The following KYAT3 variants were observed in gnomAD, a reference collection of about 807,000 sequenced individuals.
KYAT3 encodes kynurenine--oxoglutarate transaminase 3.
A neutral mutation model predicts 59.0 loss-of-function variants in KYAT3; 50 were observed. That is an observed-to-expected ratio of 0.85 (90% CI 0.68 to 1.07). The LOEUF (loss-of-function observed/expected upper bound fraction) is 1.07. Ranked by LOEUF, KYAT3 falls within the 50% of genes least tolerant of loss-of-function variation. KYAT3 has a pLI of 0.00. For missense variants in KYAT3, 497 were observed against 533.3 expected (o/e 0.93, Z 0.67); for synonymous variants, 148 against 177.0 (o/e 0.84, Z 1.30).
At chr1:88,928,680 C>A in the KYAT3 span, among the ~76,000 whole-genome samples, 4 of 152,142 alleles carry the variant, frequency 2.6e-5, no homozygotes, top group African/African-American at 9.7e-5. Flanking sequence ...AAGTGCCAGC[C>A]CATGCCATCA....
chr1:88,935,377 A>AG (rs58882484), downstream of KYAT3, among the ~76,000 whole-genome samples: 13 of 62,500 alleles, frequency 2.1e-4, no homozygotes, highest in Admixed American at 8.2e-4. Flanking sequence ...AGAGAGAGAG[A>AG]AAAAAAAAAG....
intron 9 of KYAT3, among the ~76,000 whole-genome samples, chr1:88,954,802 C>T (rs1675836835): frequency 1.3e-5 from 2 of 152,158 alleles, no homozygotes; most frequent in Non-Finnish European, 1.5e-5. Context: ...TAAAGATGGT[C>T]TTGTTCTGTC....
chr1:88,984,463 C>T (rs1039221433), intron 2 of KYAT3, among the ~76,000 whole-genome samples: 1 of 152,110 alleles, frequency 6.6e-6, no homozygotes, highest in Non-Finnish European at 1.5e-5. Context: ...CCGCCTGCCT[C>T]GGCCTCCCAG....
At position 88,961,607 on chromosome 1, in the gene KYAT3, T is replaced by A. The variant is rs112889563; in HGVS notation, c.541-101A>T. Reference sequence around the variant, plus strand: ...AGGAAAAAAACATCAAAGAAAGTCATGGCAAAGGAAACTGAATAAATTACC... The same window carrying A: ...AGGAAAAAAACATCAAAGAAAGTCAAGGCAAAGGAAACTGAATAAATTACC... On this transcript the variant is annotated intron_variant, in intron 6 of 13. Transcript: ENST00000260508. 32 of 1,042,728 alleles carry A rather than the reference T, an allele frequency of 3.1e-5. 1 individual carries two copies. Among genetic ancestry groups the A allele is most frequent in the Non-Finnish European group, 4.4e-5 (32 of 729,000 alleles). 64.6% of individuals were successfully genotyped at this position (1,042,728 alleles called of 1,614,324 possible).
At chr1:88,929,687 G>A in the KYAT3 span, among the ~76,000 whole-genome samples, 1 of 152,166 alleles carries the variant, frequency 6.6e-6, no homozygotes, top group Non-Finnish European at 1.5e-5. Flanking sequence ...TGGCTACAAA[G>A]TTTCCAAACC....
chr1:88,970,727 T>C (rs1319620160), intron 2 of KYAT3, among the ~76,000 whole-genome samples: 1 of 152,198 alleles, frequency 6.6e-6, no homozygotes, highest in African/African-American at 2.4e-5. Flanking sequence ...CCCAAAAGTA[T>C]TGAATTAGCT....
At chr1:88,956,959 C>T (rs2765528) in intron 8 of KYAT3, among the ~76,000 whole-genome samples, 142,850 of 152,252 alleles carry the variant, frequency 0.94, 67,694 homozygotes, top group East Asian at 1. Flanking sequence ...CTTGTATTGT[C>T]CTTAGAGTGT....
chr1:88,939,590 T>TC (rs1399761867), intron 13 of KYAT3, among the ~76,000 whole-genome samples: 1 of 152,206 alleles, frequency 6.6e-6, no homozygotes, highest in Non-Finnish European at 1.5e-5. Flanking sequence ...ATATGCAGGT[T>TC]CCATTTGTTC....
At chr1:88,974,830 CACCAATTAGCACTCTGTAAAATGG>C (rs1389030527) in intron 2 of KYAT3, among the ~76,000 whole-genome samples, 3 of 152,148 alleles carry the variant, frequency 2.0e-5, no homozygotes, top group Admixed American at 6.5e-5. Flanking sequence ...ATTGTAAACA[CACCAATTAGCACTCTGTAAAATGG>C]ACCAATCAGC....
the KYAT3 span, among the ~76,000 whole-genome samples, chr1:88,926,719 C>T: frequency 6.6e-6 from 1 of 152,152 alleles, no homozygotes; most frequent in Non-Finnish European, 1.5e-5. Flanking sequence ...GAAAAATTGC[C>T]TAATAATTGG....
At chr1:88,966,112 G>A (rs895573999) in intron 4 of KYAT3, among the ~76,000 whole-genome samples, 1 of 152,100 alleles carries the variant, frequency 6.6e-6, no homozygotes, top group South Asian at 2.1e-4. Context: ...AATGTCCACA[G>A]CCTGGTGATA....
intron 2 of KYAT3, chr1:88,983,201 G>C: frequency 6.2e-7 from 1 of 1,612,846 alleles, no homozygotes; most frequent in Non-Finnish European, 8.5e-7. Context: ...ATCATCTCTT[G>C]GGGACAAATA....
At chr1:88,972,160 C>T (rs986479726) in intron 2 of KYAT3, among the ~76,000 whole-genome samples, 6 of 152,192 alleles carry the variant, frequency 3.9e-5, no homozygotes, top group Admixed American at 2.0e-4. Context: ...CAGGGAAGAA[C>T]GGATGCTGCA....
chr1:88,923,014 G>A, the KYAT3 span, among the ~76,000 whole-genome samples: 1 of 152,096 alleles, frequency 6.6e-6, no homozygotes, highest in South Asian at 2.1e-4. Flanking sequence ...ACTGACACAC[G>A]GAGAAGACAG....
At chr1:88,984,408 T>C (rs558544043) in intron 2 of KYAT3, among the ~76,000 whole-genome samples, 1 of 152,248 alleles carries the variant, frequency 6.6e-6, no homozygotes, top group Admixed American at 6.5e-5. Flanking sequence ...GAGCAGGGTT[T>C]CACCATGTTG....
Position 88,955,151 on chromosome 1 carries a change from T to G in KYAT3, c.862A>C (p.Lys288Gln). The change falls in exon 9 of 14, where the codon AAG becomes CAG. Residue 288 changes from lysine to glutamine, a missense_variant and splice_region_variant. Physicochemically the swap from Lys to Gln is moderately conservative, Grantham distance 53. Around this residue, in one of 2 missense-constraint regions of KYAT3, gnomAD observed 469 missense variants for 479.1 expected, o/e 0.98. Transcript: ENST00000260508. ...AATTAAATTCTTACTCATCTTACCT[T>G]CCAGCCAGTTACACTGAAAGTCTTT... ...AGKTFSVTGW[K>Q]LGWSIGPNHL... The G allele has an allele frequency of 6.3e-7, 1 of 1,598,634 alleles. No individual in the cohort carries two copies. The highest frequency in any genetic ancestry group is 1.7e-5 in the Admixed American group (1 of 59,994).
intron 6 of KYAT3, 44 bp downstream of exon 6, chr1:88,962,015 T>A (rs1676164888): frequency 7.4e-7 from 1 of 1,355,064 alleles, no homozygotes; most frequent in Middle Eastern, 1.8e-4. Context: ...CAAGACTTCT[T>A]AAGTCTTGAA....
At chr1:88,957,949 T>C (rs189451821) in intron 8 of KYAT3, among the ~76,000 whole-genome samples, 1 of 152,226 alleles carries the variant, frequency 6.6e-6, no homozygotes, top group Non-Finnish European at 1.5e-5. Flanking sequence ...TTTGGTGTAT[T>C]AAGGTGTCAC....
At chr1:88,935,623 C>G (rs1401796530), downstream of KYAT3, 1 of 176,052 alleles carries the variant, frequency 5.7e-6, no homozygotes, top group East Asian at 1.5e-4. Context: ...CAAATAACAG[C>G]AGTACTTGGG....
Sources: allele counts gnomAD v4.1 joint callset (sites outside exome capture counted in the v4.1 genomes callset), GRCh38; gene constraint gnomAD v4.1.1; regional missense constraint gnomAD v4.1.1; transcripts MANE v1.5; gene names NCBI Gene and HGNC (gene_info 2026-07-23, HGNC 2026-07-21).